Variants in LRRC37A2 observed in about 807,000 individuals in gnomAD.
LRRC37A2 encodes the protein leucine-rich repeat-containing protein 37A2.
In LRRC37A2, 9 loss-of-function variants were observed where a neutral mutation model predicts 68.8. That is an observed-to-expected ratio of 0.13 (90% confidence interval 0.08 to 0.23). LRRC37A2 has a LOEUF of 0.23. LRRC37A2 is among the 10% of genes least tolerant of loss of function. LRRC37A2 has a pLI of 1.00. For missense variants in LRRC37A2, 168 were observed against 950.4 expected (o/e 0.18, Z 10.82); for synonymous variants, 63 against 367.6 (o/e 0.17, Z 9.48).
At chr17:46,825,610 TG>T in the LRRC37A2 span, among the ~76,000 whole-genome samples, 1 of 152,268 alleles carries the variant, frequency 6.6e-6, no homozygotes, top group African/African-American at 2.4e-5. Flanking sequence ...TGTGTGCAGC[TG>T]CCCCTTGGCA....
At chr17:46,776,567 G>C in the LRRC37A2 span, among the ~76,000 whole-genome samples, 1 of 152,136 alleles carries the variant, frequency 6.6e-6, no homozygotes, top group Non-Finnish European at 1.5e-5. Flanking sequence ...AGAGGTCCCC[G>C]TTGAGCCTCC....
the LRRC37A2 span, chr17:46,932,176 C>T: frequency 4.3e-6 from 7 of 1,614,134 alleles, no homozygotes; most frequent in Non-Finnish European, 5.9e-6. Flanking sequence ...AGAAGAGCTT[C>T]TGTCTCGAAC....
chr17:46,398,341 A>C, the LRRC37A2 span, among the ~76,000 whole-genome samples: 2 of 151,942 alleles, frequency 1.3e-5, no homozygotes, highest in African/African-American at 4.8e-5. Flanking sequence ...TAGGGAAAAA[A>C]TTACACATAA....
the LRRC37A2 span, among the ~76,000 whole-genome samples, chr17:47,032,363 C>T: frequency 0.06 from 8,253 of 136,826 alleles, 275 homozygotes; most frequent in South Asian, 0.091. Flanking sequence ...TTCTATTTTG[C>T]AGATGAGGAA....
At chr17:46,991,404 A>C in the LRRC37A2 span, among the ~76,000 whole-genome samples, 1 of 152,096 alleles carries the variant, frequency 6.6e-6, no homozygotes, top group East Asian at 1.9e-4. Flanking sequence ...AGGTGGGTGG[A>C]TCACCTGAGG....
At chr17:46,493,634 T>C in the LRRC37A2 span, among the ~76,000 whole-genome samples, 1 of 146,750 alleles carries the variant, frequency 6.8e-6, no homozygotes, top group Non-Finnish European at 1.5e-5. Flanking sequence ...CCCTCCCGGG[T>C]TCACACCATT....
the LRRC37A2 span, among the ~76,000 whole-genome samples, chr17:46,857,053 T>C: frequency 6.6e-6 from 1 of 152,242 alleles, no homozygotes; most frequent in Admixed American, 6.5e-5. Flanking sequence ...TTGCTCAGCA[T>C]AAAGCTTTTG....
chr17:47,048,548 T>G, the LRRC37A2 span, among the ~76,000 whole-genome samples: 2 of 109,758 alleles, frequency 1.8e-5, no homozygotes, highest in African/African-American at 6.3e-5. Context: ...ACACCCCAAA[T>G]CCCTGCCCAA....
At chr17:46,530,744 A>G (rs2145199024) in intron 6 of LRRC37A2, among the ~76,000 whole-genome samples, 1 of 25,002 alleles carries the variant, frequency 4.0e-5, no homozygotes, top group East Asian at 8.2e-4. Flanking sequence ...TAACCCCAGA[A>G]CATTTTCATC....
the LRRC37A2 span, among the ~76,000 whole-genome samples, chr17:46,724,269 G>A: frequency 2.6e-5 from 4 of 152,196 alleles, no homozygotes; most frequent in African/African-American, 7.2e-5. Flanking sequence ...GAGTTATGCT[G>A]CATGAAAGGA....
the LRRC37A2 span, chr17:46,876,305 G>T: frequency 6.2e-7 from 1 of 1,614,186 alleles, no homozygotes; most frequent in Non-Finnish European, 8.5e-7. Context: ...CTCCTGTGCC[G>T]TGCGCACCTG....
chr17:46,862,163 C>G, the LRRC37A2 span, among the ~76,000 whole-genome samples: 1 of 80,336 alleles, frequency 1.2e-5, no homozygotes, highest in Non-Finnish European at 3.1e-5. Flanking sequence ...AACTCCGTCT[C>G]AAAAAAAAAA....
the LRRC37A2 span, among the ~76,000 whole-genome samples, chr17:46,454,163 G>A: frequency 9.6e-6 from 1 of 104,312 alleles, no homozygotes; most frequent in African/African-American, 3.4e-5. Flanking sequence ...GTTAAATTCG[G>A]AAAGTCTCAG....
At chr17:47,002,382 A>ATT in the LRRC37A2 span, among the ~76,000 whole-genome samples, 1 of 69,244 alleles carries the variant, frequency 1.4e-5, no homozygotes, top group African/African-American at 4.5e-5. Flanking sequence ...AATTATTTTT[A>ATT]TTTTTATTTT....
At chr17:46,821,384 T>C in the LRRC37A2 span, among the ~76,000 whole-genome samples, 4 of 152,186 alleles carry the variant, frequency 2.6e-5, no homozygotes, top group Admixed American at 2.6e-4. Context: ...TTAATTTCCT[T>C]CCTCCTGCAC....
the LRRC37A2 span, among the ~76,000 whole-genome samples, chr17:46,761,338 T>G: frequency 0.017 from 2,625 of 150,980 alleles, 70 homozygotes; most frequent in African/African-American, 0.056. Flanking sequence ...TTGTTTGTTT[T>G]TTTTTTTTTT....
the LRRC37A2 span, among the ~76,000 whole-genome samples, chr17:46,955,908 A>T: frequency 6.6e-6 from 1 of 152,182 alleles, no homozygotes; most frequent in East Asian, 1.9e-4. Flanking sequence ...CTGTGTCTCC[A>T]TCAGACTAGC....
the LRRC37A2 span, among the ~76,000 whole-genome samples, chr17:46,914,254 C>T: frequency 5.3e-5 from 8 of 151,980 alleles, no homozygotes; most frequent in East Asian, 9.7e-4. Context: ...AATAGCGGGG[C>T]GGCCAGGAGG....
chr17:46,943,552 C>T, the LRRC37A2 span, among the ~76,000 whole-genome samples: 4 of 152,254 alleles, frequency 2.6e-5, no homozygotes, highest in African/African-American at 7.2e-5. Flanking sequence ...TCATACTGCA[C>T]GCTTCCTGCG....
Sources: allele counts gnomAD v4.1 joint callset (sites outside exome capture counted in the v4.1 genomes callset), GRCh38; gene constraint gnomAD v4.1.1; transcripts MANE v1.5; gene names NCBI Gene and HGNC (gene_info 2026-07-23, HGNC 2026-07-21).